The following COL19A1 variants were observed in gnomAD, a reference collection of about 807,000 sequenced individuals.
COL19A1 encodes collagen type XIX alpha 1 chain.
In COL19A1, 159 loss-of-function variants were observed where a neutral mutation model predicts 190.2. The observed-to-expected ratio is 0.84, with a 90% CI of 0.73 to 0.95. COL19A1 has a LOEUF of 0.95. COL19A1 is among the 40% of genes least tolerant of loss of function. The pLI, the probability that COL19A1 is intolerant of heterozygous loss-of-function variation, is 0.00. For missense variants in COL19A1, 1,418 were observed against 1,431.9 expected (o/e 0.99, Z 0.16); for synonymous variants, 509 against 458.9 (o/e 1.11, Z -1.39).
chr6:70,022,043 T>C (rs1419714081), intron 11 of COL19A1, among the ~76,000 whole-genome samples: 3 of 152,192 alleles, frequency 2.0e-5, no homozygotes, highest in Non-Finnish European at 2.9e-5. Context: ...CATACAGTAA[T>C]AATACATATC....
intron 2 of COL19A1, among the ~76,000 whole-genome samples, chr6:69,881,953 G>A (rs562352501): frequency 1.3e-5 from 2 of 152,188 alleles, no homozygotes; most frequent in Admixed American, 6.5e-5. Context: ...ACAGCGCAAG[G>A]TTCCCTTTTT....
intron 11 of COL19A1, among the ~76,000 whole-genome samples, chr6:69,993,697 T>C (rs755941482): frequency 6.6e-6 from 1 of 152,096 alleles, no homozygotes; most frequent in Non-Finnish European, 1.5e-5. Flanking sequence ...GGTTGTCTGT[T>C]TCTAGGAGTT....
At chr6:70,005,042 C>T (rs1202834082) in intron 11 of COL19A1, among the ~76,000 whole-genome samples, 1 of 152,074 alleles carries the variant, frequency 6.6e-6, no homozygotes, top group African/African-American at 2.4e-5. Context: ...CTGTGTTAGC[C>T]AGGATGGTCT....
At chr6:70,004,781 A>T (rs1308589834) in intron 11 of COL19A1, among the ~76,000 whole-genome samples, 2 of 151,390 alleles carry the variant, frequency 1.3e-5, no homozygotes, top group Non-Finnish European at 2.9e-5. Flanking sequence ...CCTTTTATCA[A>T]GGTTTTTAGC....
At chr6:69,983,021 T>TATAAA (rs879601736) in intron 11 of COL19A1, among the ~76,000 whole-genome samples, 1 of 148,022 alleles carries the variant, frequency 6.8e-6, no homozygotes. Flanking sequence ...AATAAATAAA[T>TATAAA]ATAAAATAAA....
intron 26 of COL19A1, 44 bp downstream of exon 26, chr6:70,146,747 C>G: frequency 6.3e-7 from 1 of 1,591,390 alleles, no homozygotes; most frequent in Non-Finnish European, 8.5e-7. Context: ...GAATAATTAA[C>G]AAAATACAGC....
chr6:69,928,038 G>A lies in COL19A1; in HGVS notation c.390+6G>A. The A allele has an allele frequency of 1.2e-6, 2 of 1,612,132 alleles. No homozygotes were observed. The highest frequency in any genetic ancestry group is 1.7e-6 in the Non-Finnish European group (2 of 1,178,800). ...ACCAGCAGAATATTCCACAGGTAAA[G>A]TACCATTAGAGTTGTGCTCATTAGT... is the stretch of plus-strand genomic sequence containing the variant. On this transcript the variant is annotated splice_donor_region_variant and intron_variant, in intron 5 of 50. Coordinates refer to ENST00000620364, the MANE Select transcript of COL19A1 (RefSeq NM_001858.6).
chr6:69,921,436 C>G lies in COL19A1; in HGVS notation c.267-6473C>G, dbSNP rs1045389056. Among the ~76,000 whole-genome samples the G allele has an allele frequency of 3.5e-3, 429 of 121,308 alleles. 21 individuals carry two copies. Among genetic ancestry groups the G allele is most frequent in the African/African-American group, 0.012 (335 of 27,150 alleles). 79.6% of individuals were successfully genotyped at this position (121,308 alleles called of 152,430 possible). On this transcript the variant is annotated intron_variant, in intron 4 of 50. Transcript: ENST00000620364. ...CATATATCATATATATCATATATAT[C>G]ATATATATCATATATCATATATATC... is the stretch of plus-strand genomic sequence containing the variant.
chr6:69,886,824 T>C (rs2149953812), intron 2 of COL19A1, among the ~76,000 whole-genome samples: 1 of 152,338 alleles, frequency 6.6e-6, no homozygotes, highest in African/African-American at 2.4e-5. Flanking sequence ...CTTAAAGAAA[T>C]GAACATATCC....
chr6:70,120,026 G>A (rs1157970422), intron 16 of COL19A1, among the ~76,000 whole-genome samples: 1 of 152,190 alleles, frequency 6.6e-6, no homozygotes, highest in Non-Finnish European at 1.5e-5. Context: ...GGGAGGCAGA[G>A]GTTGCAGTGA....
At chr6:70,129,692 A>G (rs1785407308) in intron 17 of COL19A1, among the ~76,000 whole-genome samples, 1 of 152,244 alleles carries the variant, frequency 6.6e-6, no homozygotes, top group Non-Finnish European at 1.5e-5. Context: ...TCTCCACAAA[A>G]AGGAAAAAAA....
chr6:70,099,942 C>T (rs1783520579), intron 15 of COL19A1, among the ~76,000 whole-genome samples: 1 of 152,240 alleles, frequency 6.6e-6, no homozygotes, highest in African/African-American at 2.4e-5. Context: ...TGCTTGCCCT[C>T]ACCATATCCT....
intron 16 of COL19A1, among the ~76,000 whole-genome samples, chr6:70,110,453 C>A (rs1461084716): frequency 6.6e-6 from 1 of 152,274 alleles, no homozygotes; most frequent in Admixed American, 6.5e-5. Flanking sequence ...TAAGATGACA[C>A]TTTCTCAGAT....
At chr6:69,954,328 C>A (rs1409408263) in intron 9 of COL19A1, among the ~76,000 whole-genome samples, 1 of 151,960 alleles carries the variant, frequency 6.6e-6, no homozygotes, top group Admixed American at 6.6e-5. Context: ...CATCTCTAAT[C>A]CCAGCAACTG....
At chr6:70,142,961 T>G in intron 23 of COL19A1, 141 bp downstream of exon 23, 27 of 660,704 alleles carry the variant, frequency 4.1e-5, no homozygotes, top group Non-Finnish European at 6.5e-5. Context: ...AAACTGATCA[T>G]ACCTAATGTC....
chr6:70,059,740 T>G (rs371066363), intron 14 of COL19A1: 1 of 523,998 alleles, frequency 1.9e-6, no homozygotes, highest in African/African-American at 1.9e-5. Flanking sequence ...TGTAGACCTA[T>G]GCAGATGTTT....
At chr6:70,038,261 T>C (rs1779459451) in intron 14 of COL19A1, among the ~76,000 whole-genome samples, 1 of 152,066 alleles carries the variant, frequency 6.6e-6, no homozygotes, top group South Asian at 2.1e-4. Context: ...TACTGAAGAG[T>C]TAAAAAACTT....
intron 4 of COL19A1, among the ~76,000 whole-genome samples, chr6:69,901,579 A>G (rs1205757242): frequency 6.6e-6 from 1 of 152,242 alleles, no homozygotes; most frequent in Non-Finnish European, 1.5e-5. Flanking sequence ...GGGTGGTCTC[A>G]TAAGTAGGCA....
At position 70,034,295 on chromosome 6, in the gene COL19A1, A is replaced by G; in HGVS notation, c.1131A>G (p.Glu377=). 6.2e-7 allele frequency: 1 copy of G among 1,612,748 alleles called. No individual in the cohort carries two copies. The highest frequency in any genetic ancestry group is 8.5e-7 in the Non-Finnish European group (1 of 1,178,764). Residue 377 remains glutamate, a synonymous_variant, in exon 13 of 51, where the codon GAA becomes GAG. Transcript: ENST00000620364. ...GPHGPPGPKG[E]KGDTGPPGPP... The stretch of plus-strand genomic sequence containing the variant: ...ATGGTCCACCTGGCCCAAAAGGAGA[A>G]AAGGTATTGTGTTTACCCAGCCAAG...
Sources: gnomAD v4.1 joint callset for allele counts (sites outside exome capture counted in the v4.1 genomes callset) on GRCh38, gnomAD v4.1.1 for gene constraint, MANE v1.5 for transcripts, NCBI Gene and HGNC (gene_info 2026-07-23, HGNC 2026-07-21) for gene names.